Variants in CTSZ observed in about 807,000 individuals in gnomAD.
The protein encoded by CTSZ is cathepsin Z, also known as carboxypeptidase LB.
CTSZ carries 39 observed loss-of-function variants against 32.4 expected under a neutral mutation model. The ratio of observed to expected loss-of-function variants is 1.20; its 90% CI spans 0.93 to 1.57. CTSZ has a LOEUF of 1.57. Among genes scored for constraint, CTSZ ranks in the 40% most tolerant of loss-of-function variants. The pLI, the probability that CTSZ is intolerant of heterozygous loss-of-function variation, is 0.00. For synonymous variants in CTSZ, 168 were observed against 170.1 expected, an observed-to-expected ratio of 0.99 and a Z score of 0.10; for missense variants, 397 against 419.6, an observed-to-expected ratio of 0.95 and a Z score of 0.47.
rs1432455298 is a variant in CTSZ at position 59,006,979 on chromosome 20, T to G, written c.143+7A>C. The stretch of plus-strand genomic sequence containing the variant: ...CCCCCCAGGGCTGCCTCCCCGCCGG[T>G]GCCCACCTGCGCCCCAGCGGAGCCA... On this transcript the variant is annotated splice_region_variant and intron_variant, in intron 1 of 5. Coordinates refer to ENST00000217131, the MANE Select transcript of CTSZ (RefSeq NM_001336.4). 1 of 1,438,316 alleles carries G rather than the reference T, an allele frequency of 7.0e-7. No individual in the cohort carries two copies. The highest frequency in any genetic ancestry group is 9.1e-7 in the Non-Finnish European group (1 of 1,103,510). The allele number at this position is 1,438,316 out of a possible 1,614,324, so 89.1% of individuals were successfully genotyped here.
chr20:59,001,669 C>T, intron 2 of CTSZ, 25 bp from the exon 3 acceptor site: 1 of 1,604,262 alleles, frequency 6.2e-7, no homozygotes, highest in Non-Finnish European at 8.5e-7. Context: ...ACCTGCCAGT[C>T]AGCACTCACC....
Position 59,002,116 on chromosome 20 carries a change from C to T in CTSZ, c.308-472G>A, listed in dbSNP as rs1182673568. Among the ~76,000 whole-genome samples, 1 of 152,212 alleles carries T rather than the reference C, an allele frequency of 6.6e-6. No individual in the cohort carries two copies. Among genetic ancestry groups the T allele is most frequent in the African/African-American group, 2.4e-5 (1 of 41,458 alleles). On this transcript the variant is annotated intron_variant, in intron 2 of 5. Coordinates refer to ENST00000217131, the MANE Select transcript of CTSZ (RefSeq NM_001336.4). The surrounding 1 kb of genome is among the most constrained non-coding windows in gnomAD (Gnocchi z 4.1). Reference sequence around the variant, plus strand: ...GTATAGCCCAGGGAGCCGCATGAGCCCCAGTGAGGGGCCAGATGCGGTCCT... The same window carrying T: ...GTATAGCCCAGGGAGCCGCATGAGCTCCAGTGAGGGGCCAGATGCGGTCCT...
In CTSZ at chr20:59,007,165, C is replaced by T; in HGVS notation, c.-37G>A. On this transcript the variant is annotated 5_prime_UTR_variant, in exon 1 of 6. Coordinates refer to ENST00000217131, the MANE Select transcript of CTSZ (RefSeq NM_001336.4). ...GGCTCCTGGGTCCCGCTCCGGATCCCGCTCCGAGTCCCAGATCCCGCGCCG... is the reference window on the plus strand; with the variant it reads ...GGCTCCTGGGTCCCGCTCCGGATCCTGCTCCGAGTCCCAGATCCCGCGCCG... The T allele has an allele frequency of 2.3e-6, 3 of 1,312,100 alleles. No homozygotes were observed. The highest frequency in any genetic ancestry group is 4.4e-5 in the South Asian group (2 of 45,624). 81.3% of individuals were successfully genotyped at this position (1,312,100 alleles called of 1,614,324 possible). A position where few individuals can be genotyped will look rare whatever the true frequency, so the allele number is the denominator to read the frequency against.
intron 2 of CTSZ, 135 bp from the exon 3 acceptor site, chr20:59,001,779 C>A (rs1242700941): frequency 1.2e-6 from 1 of 824,488 alleles, no homozygotes. Flanking sequence ...CTGCCTGTGT[C>A]TCCTTCTCCC....
At chr20:59,006,208 G>A (rs543798896) in intron 2 of CTSZ, 114 bp downstream of exon 2, 41 of 1,375,892 alleles carry the variant, frequency 3.0e-5, no homozygotes, top group South Asian at 1.3e-4. Context: ...CCCAGCCCAG[G>A]CTGACCTGGC....
intron 3 of CTSZ, among the ~76,000 whole-genome samples, chr20:58,998,697 A>T (rs1019930673): frequency 6.6e-5 from 10 of 152,156 alleles, no homozygotes; most frequent in African/African-American, 2.4e-4. Flanking sequence ...ATCTCTACAG[A>T]AAAAAAATTT....
rs1259839864 is a variant in CTSZ, at chr20:59,003,731, G to C, written c.308-2087C>G. On this transcript the variant is annotated intron_variant, in intron 2 of 5. Transcript: ENST00000217131. The stretch of plus-strand genomic sequence containing the variant: ...AGGGAGCCATGGGACCTCAGGGAGA[G>C]AGGAGGTGCCTGGTGGGAGAAGCTA... Among the ~76,000 whole-genome samples the C allele has an allele frequency of 2.0e-5, 3 of 152,188 alleles. No homozygotes were observed. In the East Asian group the frequency reaches 5.8e-4, roughly 29 times the overall value.
chr20:59,006,759 G>T lies in CTSZ; in HGVS notation c.143+227C>A, dbSNP rs141823495. ...GTAAGGGCCACCCCCAGAGGCCGAG[G>T]AGGTGGGGCTGGCCTGGCTTTCTGG... On this transcript the variant is annotated intron_variant, in intron 1 of 5. Transcript: ENST00000217131. Among the ~76,000 whole-genome samples, 1,418 of 152,334 alleles carry T rather than the reference G, an allele frequency of 9.3e-3. 22 individuals carry two copies. The highest frequency in any genetic ancestry group is 0.033 in the African/African-American group (1,358 of 41,586).
intron 3 of CTSZ, among the ~76,000 whole-genome samples, chr20:59,000,954 G>A (rs2091886167): frequency 6.6e-6 from 1 of 151,166 alleles, no homozygotes; most frequent in Non-Finnish European, 1.5e-5. Flanking sequence ...TCAGCTGCCC[G>A]AGTACCTGGG....
chr20:59,006,918 A>G, intron 1 of CTSZ, 68 bp downstream of exon 1: 2 of 1,288,532 alleles, frequency 1.6e-6, no homozygotes, highest in Non-Finnish European at 2.0e-6. Context: ...CCCAGGAGGC[A>G]GAGCGCGCGC....
intron 3 of CTSZ, among the ~76,000 whole-genome samples, chr20:58,998,679 G>A (rs1011252778): frequency 6.6e-6 from 1 of 152,116 alleles, no homozygotes. Context: ...ACAACAGAGC[G>A]AGACCTCATC....
intron 2 of CTSZ, 40 bp from the exon 3 acceptor site, chr20:59,001,684 C>G (rs139108139): frequency 6.3e-7 from 1 of 1,592,774 alleles, no homozygotes. Flanking sequence ...CTCACCCACT[C>G]TCCACCCACT....
chr20:58,995,551 C>G lies in CTSZ; in HGVS notation c.*98G>C. The G allele has an allele frequency of 9.2e-7, 1 of 1,086,610 alleles. No individual in the cohort carries two copies. The highest frequency in any genetic ancestry group is 1.4e-6 in the Non-Finnish European group (1 of 719,794). 67.3% of individuals were successfully genotyped at this position (1,086,610 alleles called of 1,614,324 possible). On this transcript the variant is annotated 3_prime_UTR_variant, in exon 6 of 6. Transcript: ENST00000217131. ...CGCCATCCAATATTGATAGCCACCCCAGTTCCTGCCAGCCAGCCTGGCACA... is the reference window on the plus strand; with the variant it reads ...CGCCATCCAATATTGATAGCCACCCGAGTTCCTGCCAGCCAGCCTGGCACA...
intron 5 of CTSZ, 92 bp from the exon 6 acceptor site, chr20:58,995,851 C>T (rs2091856904): frequency 8.8e-7 from 1 of 1,139,350 alleles, no homozygotes; most frequent in Non-Finnish European, 1.3e-6. Flanking sequence ...TTTCTGCCTC[C>T]ATCTCTCAGG....
chr20:59,000,772 G>A (rs1249439769), intron 3 of CTSZ, among the ~76,000 whole-genome samples: 1 of 151,958 alleles, frequency 6.6e-6, no homozygotes, highest in Non-Finnish European at 1.5e-5. Flanking sequence ...CCAGCCAAAG[G>A]GGCACAGGAG....
chr20:59,005,579 A>G (rs2091905806), intron 2 of CTSZ, among the ~76,000 whole-genome samples: 1 of 152,202 alleles, frequency 6.6e-6, no homozygotes, highest in Non-Finnish European at 1.5e-5. Context: ...AAGGCCAGGG[A>G]AGAGGCAACA....
chr20:59,001,666 A>T, intron 2 of CTSZ, 22 bp from the exon 3 acceptor site: 1 of 1,606,844 alleles, frequency 6.2e-7, no homozygotes, highest in Non-Finnish European at 8.5e-7. Flanking sequence ...AGCACCTGCC[A>T]GTCAGCACTC....
At position 58,997,771 on chromosome 20, in the gene CTSZ, A is replaced by G. The variant is rs1176645918; in HGVS notation, c.488-18T>C. Reference sequence around the variant, plus strand: ...GTCACACTCTGGGGGAGAGCAAGAAAAGTCAGCATGAGGCCGTCTCCTCAT... The same window carrying G: ...GTCACACTCTGGGGGAGAGCAAGAAGAGTCAGCATGAGGCCGTCTCCTCAT... On this transcript the variant is annotated intron_variant, in intron 3 of 5. Transcript: ENST00000217131. 1.9e-6 allele frequency: 3 copies of G among 1,581,612 alleles called. No individual in the cohort carries two copies. The highest frequency in any genetic ancestry group is 1.4e-5 in the African/African-American group (1 of 73,944).
intron 2 of CTSZ, chr20:59,005,942 CCAGGA>C: frequency 4.9e-6 from 1 of 204,502 alleles, no homozygotes; most frequent in Non-Finnish European, 1.0e-5. Context: ...TATTCCAAGC[CCAGGA>C]CAGGCTTTCA....
Sources: gnomAD v4.1 joint callset for allele counts (sites outside exome capture counted in the v4.1 genomes callset) on GRCh38, gnomAD v4.1.1 for gene constraint, Gnocchi (gnomAD v3.1) non-coding constraint, MANE v1.5 for transcripts, NCBI Gene and HGNC (gene_info 2026-07-23, HGNC 2026-07-21) for gene names.